The following JARID2 variants were observed in gnomAD, a reference collection of about 807,000 sequenced individuals.
JARID2 encodes protein Jumonji.
In JARID2, 21 loss-of-function variants were observed where a neutral mutation model predicts 125.6. The ratio of observed to expected loss-of-function variants is 0.17; its 90% confidence interval spans 0.12 to 0.24. JARID2 has a LOEUF of 0.24. Ranked by LOEUF, JARID2 falls within the 10% of genes least tolerant of loss-of-function variation. The pLI, the probability that JARID2 is intolerant of heterozygous loss-of-function variation, is 1.00. For synonymous variants in JARID2, 736 were observed against 661.6 expected, an observed-to-expected ratio of 1.11 and a Z score of -1.73; for missense variants, 1,303 against 1,639.6, an observed-to-expected ratio of 0.79 and a Z score of 3.55.
chr6:15,429,744 C>T (rs1766890827), intron 3 of JARID2, among the ~76,000 whole-genome samples: 1 of 152,096 alleles, frequency 6.6e-6, no homozygotes, highest in African/African-American at 2.4e-5. Flanking sequence ...GAACCGAGTA[C>T]ACGTTTTTGG....
intron 1 of JARID2, among the ~76,000 whole-genome samples, chr6:15,317,472 C>A (rs1762217241): frequency 6.6e-6 from 1 of 152,090 alleles, no homozygotes; most frequent in Admixed American, 6.5e-5. Context: ...GTAATTTCCC[C>A]CAAAACTCCC....
chr6:15,422,139 C>T (rs1055845906), intron 3 of JARID2, among the ~76,000 whole-genome samples: 1 of 152,156 alleles, frequency 6.6e-6, no homozygotes, highest in African/African-American at 2.4e-5. Context: ...TGGAGAGAAG[C>T]GCGTCCAGGA....
At chr6:15,247,738 A>T in intron 1 of JARID2, 3 of 985,402 alleles carry the variant, frequency 3.0e-6, no homozygotes, top group Non-Finnish European at 3.6e-6. Flanking sequence ...TCTTCAAGAG[A>T]GCTGATCCTT....
intron 1 of JARID2, among the ~76,000 whole-genome samples, chr6:15,350,305 G>A (rs1763380113): frequency 6.6e-6 from 1 of 152,184 alleles, no homozygotes; most frequent in Non-Finnish European, 1.5e-5. Flanking sequence ...TGTTGACCAA[G>A]CACCTGAAAT....
chr6:15,468,819 G>C, intron 5 of JARID2, 101 bp downstream of exon 5: 1 of 1,160,360 alleles, frequency 8.6e-7, no homozygotes, highest in Middle Eastern at 2.1e-4. Flanking sequence ...GGCAAAGCTC[G>C]TTCTGGGTAC....
Position 15,452,088 on chromosome 6 carries a change from T to A in JARID2, c.406T>A (p.Leu136Met). 1 of 1,614,098 alleles carries A rather than the reference T, an allele frequency of 6.2e-7. No individual in the cohort carries two copies. Among genetic ancestry groups the A allele is most frequent in the Non-Finnish European group, 8.5e-7 (1 of 1,180,000 alleles). The change falls in exon 4 of 18, where the codon TTG becomes ATG. Residue 136 changes from leucine to methionine, a missense_variant. By Grantham distance (15) the Leu-to-Met change is conservative. Coordinates refer to ENST00000341776, the MANE Select transcript of JARID2 (RefSeq NM_004973.4). ...STTPVKIVEP[L>M]LPPPATQISD... ...AACTCCAGTAAAGATAGTGGAGCCA[T>A]TGCTACCCCCTCCAGCTACTCAGAT...
chr6:15,323,503 A>C (rs1762425866), intron 1 of JARID2, among the ~76,000 whole-genome samples: 1 of 152,116 alleles, frequency 6.6e-6, no homozygotes, highest in South Asian at 2.1e-4. Context: ...AGACCACCCT[A>C]CTGCTGTCCT....
rs767261258 is a variant in JARID2 at position 15,496,508 on chromosome 6, G to A, written c.1283G>A (p.Arg428Gln). 5.6e-6 allele frequency: 9 copies of A among 1,606,544 alleles called. No individual in the cohort carries two copies. The highest frequency in any genetic ancestry group is 4.5e-5 in the East Asian group (2 of 44,754). ...AAGGAGGTGGGGGGGCGGCAGCTGC[G>A]GGAGGGCCTGCAGCTGCGGGAGGGG... The part of the protein sequence containing the change: ...CTKEVGGRQL[R>Q]EGLQLREGLR... Residue 428 changes from arginine to glutamine, a missense_variant, in exon 7 of 18, where the codon CGG becomes CAG. Transcript: ENST00000341776.
intron 1 of JARID2, among the ~76,000 whole-genome samples, chr6:15,301,699 A>G (rs1479871549): frequency 2.0e-5 from 3 of 152,220 alleles, no homozygotes; most frequent in Non-Finnish European, 4.4e-5. Context: ...GAAAAACAAT[A>G]GTTGTCTTGT....
intron 5 of JARID2, among the ~76,000 whole-genome samples, chr6:15,472,536 T>C (rs1232068729): frequency 6.6e-6 from 1 of 152,098 alleles, no homozygotes; most frequent in Non-Finnish European, 1.5e-5. Context: ...CCATTTTGAT[T>C]ATGTCGTATT....
At chr6:15,390,079 T>C (rs1281896128) in intron 2 of JARID2, among the ~76,000 whole-genome samples, 1 of 152,174 alleles carries the variant, frequency 6.6e-6, no homozygotes, top group Non-Finnish European at 1.5e-5. Flanking sequence ...AGTCCACTTT[T>C]TTCACCCCCT....
chr6:15,293,105 CTG>C (rs1232598852), intron 1 of JARID2, among the ~76,000 whole-genome samples: 6 of 152,208 alleles, frequency 3.9e-5, no homozygotes, highest in Admixed American at 3.3e-4. Context: ...TGTCTCTTCT[CTG>C]TGTGAGTAAA....
chr6:15,381,397 T>C (rs1764582811), intron 2 of JARID2, among the ~76,000 whole-genome samples: 1 of 150,960 alleles, frequency 6.6e-6, no homozygotes, highest in South Asian at 2.1e-4. Context: ...GAAGTGTTGA[T>C]GTCTGTGTGC....
At chr6:15,387,938 C>T (rs1396421544) in intron 2 of JARID2, among the ~76,000 whole-genome samples, 1 of 152,058 alleles carries the variant, frequency 6.6e-6, no homozygotes, top group Non-Finnish European at 1.5e-5. Flanking sequence ...TTTTGTGACT[C>T]CCAGCCATTT....
chr6:15,322,202 G>A lies in JARID2; in HGVS notation c.46-51915G>A, dbSNP rs115202293. On this transcript the variant is annotated intron_variant, in intron 1 of 17. Coordinates refer to ENST00000341776, the MANE Select transcript of JARID2 (RefSeq NM_004973.4). ...TAATTTCAAATATCCAAACAGGCAT[G>A]TAGAATCATAGGGTCATTTGTTGAA... Among the ~76,000 whole-genome samples, 1,261 of 152,324 alleles carry A rather than the reference G, an allele frequency of 8.3e-3. 27 individuals are homozygous for A. The highest frequency in any genetic ancestry group is 0.028 in the African/African-American group (1,163 of 41,570).
At chr6:15,280,306 A>G (rs1191346930) in intron 1 of JARID2, among the ~76,000 whole-genome samples, 1 of 152,210 alleles carries the variant, frequency 6.6e-6, no homozygotes, top group African/African-American at 2.4e-5. Context: ...GAGTTAAACT[A>G]AAGCAGGGCC....
chr6:15,331,594 A>C (rs1762712245), intron 1 of JARID2, among the ~76,000 whole-genome samples: 1 of 151,318 alleles, frequency 6.6e-6, no homozygotes. Flanking sequence ...GGCCGGGTGC[A>C]GTGGCTCACG....
At chr6:15,284,677 G>A (rs1169053527) in intron 1 of JARID2, among the ~76,000 whole-genome samples, 1 of 151,956 alleles carries the variant, frequency 6.6e-6, no homozygotes, top group African/African-American at 2.4e-5. Flanking sequence ...AGTAGAGACG[G>A]GGTTTTACCA....
intron 1 of JARID2, among the ~76,000 whole-genome samples, chr6:15,313,663 G>A (rs900664798): frequency 9.2e-5 from 14 of 152,140 alleles, no homozygotes; most frequent in Admixed American, 2.6e-4. Context: ...TGGCATTAGT[G>A]TTTTGACTTG....
Sources: gnomAD v4.1 joint callset for allele counts (sites outside exome capture counted in the v4.1 genomes callset) on GRCh38, gnomAD v4.1.1 for gene constraint, MANE v1.5 for transcripts, NCBI Gene and HGNC (gene_info 2026-07-23, HGNC 2026-07-21) for gene names.